The following ATG7 variants were observed in gnomAD, a reference collection of about 807,000 sequenced individuals.
The protein encoded by ATG7 is ubiquitin-like modifier-activating enzyme ATG7.
ATG7 carries 70 observed loss-of-function variants against 82.4 expected under a neutral mutation model. The observed-to-expected ratio is 0.85, with a 90% CI of 0.70 to 1.04. ATG7 has a LOEUF of 1.04. Among genes scored for constraint, ATG7 ranks in the 50% least tolerant of loss-of-function variants. The pLI, the probability that ATG7 is intolerant of heterozygous loss-of-function variation, is 0.00. For missense variants in ATG7, 792 were observed against 864.3 expected (o/e 0.92, Z 1.05); for synonymous variants, 287 against 313.0 (o/e 0.92, Z 0.88).
At chr3:11,511,645 G>A (rs1459765014) in intron 20 of ATG7, among the ~76,000 whole-genome samples, 2 of 152,210 alleles carry the variant, frequency 1.3e-5, no homozygotes, top group African/African-American at 2.4e-5. Context: ...CGTGAGCAGG[G>A]GGTGGTGCTC....
chr3:11,329,213 C>T (rs1426603158), intron 9 of ATG7, among the ~76,000 whole-genome samples: 1 of 152,184 alleles, frequency 6.6e-6, no homozygotes, highest in Admixed American at 6.5e-5. Context: ...CAGTTATACA[C>T]CAAGATGTTA....
At chr3:11,293,560 ATGAC>A (rs1215049024) in intron 3 of ATG7, among the ~76,000 whole-genome samples, 1 of 145,666 alleles carries the variant, frequency 6.9e-6, no homozygotes. Context: ...AAGAAAGTGA[ATGAC>A]TGGCCGGGCG....
At chr3:11,545,929 A>C (rs1476247019) in intron 20 of ATG7, among the ~76,000 whole-genome samples, 1 of 151,960 alleles carries the variant, frequency 6.6e-6, no homozygotes, top group Non-Finnish European at 1.5e-5. Flanking sequence ...GCTTAAGCCT[A>C]GGAGTTTAAG....
chr3:11,553,811 C>T (rs1208819816), intron 20 of ATG7, among the ~76,000 whole-genome samples: 1 of 152,206 alleles, frequency 6.6e-6, no homozygotes, highest in Non-Finnish European at 1.5e-5. Context: ...TCGACATCCT[C>T]GACTTTGAAA....
intron 3 of ATG7, among the ~76,000 whole-genome samples, chr3:11,296,673 C>T (rs1945974896): frequency 6.6e-6 from 1 of 152,226 alleles, no homozygotes; most frequent in South Asian, 2.1e-4. Context: ...GTGTGTGCTG[C>T]TCCTGCACAG....
intron 20 of ATG7, among the ~76,000 whole-genome samples, chr3:11,544,223 G>A (rs2071080658): frequency 6.6e-6 from 1 of 152,184 alleles, no homozygotes; most frequent in African/African-American, 2.4e-5. Context: ...TGGGGCTCCG[G>A]GCAGGAATCT....
At chr3:11,521,482 G>C (rs748977249) in intron 20 of ATG7, among the ~76,000 whole-genome samples, 1 of 152,140 alleles carries the variant, frequency 6.6e-6, no homozygotes, top group South Asian at 2.1e-4. Flanking sequence ...AGCCAAGCAA[G>C]GGATCTGCCC....
chr3:11,419,182 T>G (rs1291098809), intron 19 of ATG7, among the ~76,000 whole-genome samples: 1 of 152,202 alleles, frequency 6.6e-6, no homozygotes, highest in Non-Finnish European at 1.5e-5. Context: ...AACTTCATGT[T>G]TCCTCCCCTC....
At chr3:11,477,710 T>A (rs1047374081) in intron 20 of ATG7, among the ~76,000 whole-genome samples, 1 of 152,190 alleles carries the variant, frequency 6.6e-6, no homozygotes, top group Admixed American at 6.5e-5. Flanking sequence ...AGTTGGAATG[T>A]TACTGGAACT....
chr3:11,334,999 A>G (rs914450641), intron 11 of ATG7, among the ~76,000 whole-genome samples: 7 of 151,016 alleles, frequency 4.6e-5, no homozygotes, highest in African/African-American at 1.7e-4. Context: ...TATCTTTTCT[A>G]GAGTGCTACA....
At chr3:11,317,584 C>CTTTTTTTTTTTTTTTTTTT (rs370026914) in intron 9 of ATG7, among the ~76,000 whole-genome samples, 8 of 114,482 alleles carry the variant, frequency 7.0e-5, no homozygotes, top group Admixed American at 1.1e-4. Context: ...TTCTTTCTTT[C>CTTTTTTTTTTTTTTTTTTT]TTTTTTTTTT....
chr3:11,311,811 G>A (rs1010007570), intron 7 of ATG7, among the ~76,000 whole-genome samples: 3 of 151,978 alleles, frequency 2.0e-5, no homozygotes, highest in Admixed American at 1.3e-4. Context: ...CCATTGTGAA[G>A]AGGGAATTTT....
chr3:11,334,208 A>G (rs1390692085), intron 11 of ATG7, among the ~76,000 whole-genome samples: 2 of 152,004 alleles, frequency 1.3e-5, no homozygotes, highest in Admixed American at 6.6e-5. Context: ...CCTCATCTCT[A>G]TGTGATTTAT....
At chr3:11,379,308 G>C (rs967782846) in intron 18 of ATG7, among the ~76,000 whole-genome samples, 8 of 152,224 alleles carry the variant, frequency 5.3e-5, no homozygotes, top group African/African-American at 1.9e-4. Flanking sequence ...AGTATATACA[G>C]GTATAATGTT....
intron 20 of ATG7, among the ~76,000 whole-genome samples, chr3:11,494,996 T>C (rs902507344): frequency 2.0e-5 from 3 of 151,880 alleles, no homozygotes; most frequent in Non-Finnish European, 4.4e-5. Flanking sequence ...CGCTTGAACC[T>C]GGGAGGTGGA....
At chr3:11,388,779 T>C (rs919468487) in intron 19 of ATG7, among the ~76,000 whole-genome samples, 3 of 152,040 alleles carry the variant, frequency 2.0e-5, no homozygotes, top group African/African-American at 7.2e-5. Flanking sequence ...TCCTCTTGCC[T>C]ATACCCTCAA....
At chr3:11,540,914 GGGA>G (rs1559817932) in intron 20 of ATG7, among the ~76,000 whole-genome samples, 1 of 131,238 alleles carries the variant, frequency 7.6e-6, no homozygotes, top group African/African-American at 2.8e-5. Context: ...TTTTGGGGGG[GGGA>G]GGGGGGGAGT....
At chr3:11,558,908 C>G, downstream of ATG7, 1 of 1,515,690 alleles carries the variant, frequency 6.6e-7, no homozygotes, top group Non-Finnish European at 8.9e-7. Context: ...CTCCCTCAGG[C>G]AGCCCAGAGC....
intron 20 of ATG7, among the ~76,000 whole-genome samples, chr3:11,456,033 A>G (rs1044341303): frequency 9.2e-5 from 14 of 152,302 alleles, no homozygotes; most frequent in African/African-American, 2.2e-4. Flanking sequence ...ATACAGTTCA[A>G]TAATTTTTTT....
Sources: allele counts gnomAD v4.1 joint callset (sites outside exome capture counted in the v4.1 genomes callset), GRCh38; gene constraint gnomAD v4.1.1; transcripts MANE v1.5; gene names NCBI Gene and HGNC (gene_info 2026-07-23, HGNC 2026-07-21).